Variants in PDE4D observed in about 807,000 individuals in gnomAD.
The protein encoded by PDE4D is phosphodiesterase 4D.
PDE4D carries 24 observed loss-of-function variants against 87.4 expected under a neutral mutation model. The ratio of observed to expected loss-of-function variants is 0.27; its 90% CI spans 0.20 to 0.39. The LOEUF is 0.39. Among genes scored for constraint, PDE4D ranks in the 10% least tolerant of loss-of-function variants. The pLI, the probability that PDE4D is intolerant of heterozygous loss-of-function variation, is 1.00. For missense variants in PDE4D, 714 were observed against 1,041.0 expected (o/e 0.69, Z 4.32); for synonymous variants, 384 against 383.2 (o/e 1.00, Z -0.02).
intron 1 of PDE4D, among the ~76,000 whole-genome samples, chr5:60,341,014 C>T (rs1319624620): frequency 1.3e-5 from 2 of 152,146 alleles, no homozygotes. Context: ...CCATAAAGAG[C>T]CATGCTGGCC....
chr5:59,155,138 C>G (rs1019724988), intron 5 of PDE4D, among the ~76,000 whole-genome samples: 12 of 152,018 alleles, frequency 7.9e-5, no homozygotes, highest in African/African-American at 2.7e-4. Context: ...GACCCACTTT[C>G]ATAAGATGGA....
At position 59,465,412 on chromosome 5, in the gene PDE4D, TCTC is replaced by T. The variant is rs560529752; in HGVS notation, c.456-249447_456-249445del. Among the ~76,000 whole-genome samples the T allele has an allele frequency of 2.4e-4, 37 of 152,230 alleles. No homozygotes were observed. The South Asian group carries it at 2.5e-3, about 10-fold the overall frequency. ...TGTGCACACATGCATACTCTGAAAC[TCTC>T]CTCATTGTTACATCCTAGGAGAAAT... On this transcript the variant is annotated intron_variant, in intron 1 of 14. Coordinates refer to ENST00000340635, the MANE Select transcript of PDE4D (RefSeq NM_001104631.2).
chr5:59,972,146 C>T (rs1339646578), intron 3 of PDE4D, among the ~76,000 whole-genome samples: 1 of 152,172 alleles, frequency 6.6e-6, no homozygotes, highest in African/African-American at 2.4e-5. Flanking sequence ...TGGCTAGGAA[C>T]ATCAGATTGA....
chr5:59,492,962 C>T (rs1806488459), intron 1 of PDE4D, among the ~76,000 whole-genome samples: 1 of 152,172 alleles, frequency 6.6e-6, no homozygotes, highest in African/African-American at 2.4e-5. Flanking sequence ...TCTCCCCAGC[C>T]ATGTGGAACT....
At chr5:59,824,107 C>T (rs1210207335) in intron 1 of PDE4D, among the ~76,000 whole-genome samples, 11 of 151,890 alleles carry the variant, frequency 7.2e-5, no homozygotes, top group African/African-American at 2.4e-4. Context: ...AGGCAAGCCA[C>T]CTATGTAATT....
chr5:59,897,104 T>C (rs1751739863), upstream of PDE4D, among the ~76,000 whole-genome samples: 1 of 152,210 alleles, frequency 6.6e-6, no homozygotes, highest in South Asian at 2.1e-4. Context: ...AGCACATCTA[T>C]ATAAAAAGTA....
intron 1 of PDE4D, among the ~76,000 whole-genome samples, chr5:59,694,649 T>A (rs1172816879): frequency 6.6e-6 from 1 of 152,186 alleles, no homozygotes; most frequent in African/African-American, 2.4e-5. Flanking sequence ...CCAGTACATC[T>A]TCTTCTTGAC....
At chr5:58,988,940 TA>T (rs1444366789) in intron 10 of PDE4D, among the ~76,000 whole-genome samples, 4 of 152,324 alleles carry the variant, frequency 2.6e-5, no homozygotes, top group African/African-American at 9.6e-5. Flanking sequence ...ATAAAATTAG[TA>T]AGACATTAGC....
At chr5:60,468,142 T>TTTTTTTTG in intron 1 of PDE4D, among the ~76,000 whole-genome samples, 1 of 149,556 alleles carries the variant, frequency 6.7e-6, no homozygotes, top group East Asian at 2.0e-4. Context: ...TTTTTCTTTT[T>TTTTTTTTG]TTTTTGTTTT....
At chr5:59,701,168 T>G (rs1182206235) in intron 1 of PDE4D, among the ~76,000 whole-genome samples, 9 of 152,164 alleles carry the variant, frequency 5.9e-5, no homozygotes, top group Non-Finnish European at 1.0e-4. Context: ...CCTCTCTCCC[T>G]GAAATGCTCT....
At chr5:60,290,066 C>T (rs537597097) in intron 1 of PDE4D, among the ~76,000 whole-genome samples, 6 of 152,152 alleles carry the variant, frequency 3.9e-5, no homozygotes, top group Non-Finnish European at 8.8e-5. Context: ...GGTTGGTACT[C>T]ATATGTGTAA....
intron 2 of PDE4D, among the ~76,000 whole-genome samples, chr5:60,058,258 C>T (rs930845873): frequency 6.6e-6 from 1 of 151,850 alleles, no homozygotes; most frequent in Non-Finnish European, 1.5e-5. Context: ...AAATAGTGTG[C>T]TAAACTTTGA....
In PDE4D at chr5:59,915,629, T is replaced by C. The variant is rs749401898; in HGVS notation, c.272+72859A>G. On this transcript the variant is annotated intron_variant, in intron 3 of 16. Coordinates refer to the PDE4D transcript ENST00000502484. Reference sequence around the variant, plus strand: ...AATAACTGTCATTGTTCTTGTATTCTTCACAATAATGTCCATTAAACATAT... The same window carrying C: ...AATAACTGTCATTGTTCTTGTATTCCTCACAATAATGTCCATTAAACATAT... Among the ~76,000 whole-genome samples, 3 of 152,344 alleles carry C rather than the reference T, an allele frequency of 2.0e-5. No homozygotes were observed. The East Asian group carries it at 5.8e-4, about 29-fold the overall frequency.
At chr5:59,997,040 T>C (rs184171338) in intron 2 of PDE4D, among the ~76,000 whole-genome samples, 1 of 152,274 alleles carries the variant, frequency 6.6e-6, no homozygotes, top group East Asian at 1.9e-4. Flanking sequence ...TTCAGTAATA[T>C]TCTACTGTAT....
intron 1 of PDE4D, among the ~76,000 whole-genome samples, chr5:60,253,630 C>T (rs1748726592): frequency 6.6e-6 from 1 of 151,802 alleles, no homozygotes; most frequent in Non-Finnish European, 1.5e-5. Context: ...CGATTATTAC[C>T]AGCCTAACAA....
At chr5:59,065,788 A>G (rs1307664849) in intron 5 of PDE4D, among the ~76,000 whole-genome samples, 1 of 152,168 alleles carries the variant, frequency 6.6e-6, no homozygotes, top group Non-Finnish European at 1.5e-5. Context: ...TTTGGAAGTT[A>G]TTGAGACATT....
intron 3 of PDE4D, 64 bp from the exon 4 acceptor site, chr5:59,185,326 G>T: frequency 1.6e-6 from 2 of 1,223,290 alleles, no homozygotes; most frequent in African/African-American, 1.5e-5. Flanking sequence ...ACTTGAAAAT[G>T]GTTTGTTAAG....
intron 1 of PDE4D, among the ~76,000 whole-genome samples, chr5:59,798,348 T>C (rs1766741049): frequency 1.3e-5 from 2 of 150,748 alleles, no homozygotes; most frequent in Admixed American, 1.3e-4. Flanking sequence ...CGTACCCACA[T>C]GTAATCACCA....
chr5:59,677,520 A>G lies in PDE4D; in HGVS notation c.455+215648T>C, dbSNP rs1450313742. On this transcript the variant is annotated intron_variant, in intron 1 of 14. Coordinates refer to ENST00000340635, the MANE Select transcript of PDE4D (RefSeq NM_001104631.2). The stretch of plus-strand genomic sequence containing the variant: ...GTTGCACTGAAAATAATTTTTTGAG[A>G]AAGAACAACGGGAGCTGTGGAGTTC... Among the ~76,000 whole-genome samples, 9 of 152,326 alleles carry G rather than the reference A, an allele frequency of 5.9e-5. No individual in the cohort carries two copies. In the East Asian group the frequency reaches 1.7e-3, roughly 29 times the overall value.
Sources: gnomAD v4.1 joint callset for allele counts (sites outside exome capture counted in the v4.1 genomes callset) on GRCh38, gnomAD v4.1.1 for gene constraint, MANE v1.5 for transcripts, NCBI Gene and HGNC (gene_info 2026-07-23, HGNC 2026-07-21) for gene names.